MCF2: variants seen among roughly 807,000 people sequenced by gnomAD.
MCF2 encodes MCF.2 cell line derived transforming sequence.
MCF2 carries 44 observed loss-of-function variants against 82.5 expected under a neutral mutation model. The ratio of observed to expected loss-of-function variants is 0.53; its 90% CI spans 0.42 to 0.69. The LOEUF (loss-of-function observed/expected upper bound fraction) is 0.69. Among genes scored for constraint, MCF2 ranks in the 30% least tolerant of loss-of-function variants. MCF2 has a pLI of 0.00. For synonymous variants in MCF2, 217 were observed against 224.9 expected, an observed-to-expected ratio of 0.96 and a Z score of 0.32; for missense variants, 623 against 663.1, an observed-to-expected ratio of 0.94 and a Z score of 0.66.
chrX:139,594,239 T>G (rs1234730273), intron 19 of MCF2, among the ~76,000 whole-genome samples: 1 of 109,882 alleles, frequency 9.1e-6, no homozygotes, highest in Non-Finnish European at 1.9e-5. Context: ...AAAGTTCATA[T>G]GGAACCAAAA....
intron 19 of MCF2, among the ~76,000 whole-genome samples, chrX:139,592,474 T>C (rs1279431516): frequency 9.0e-6 from 1 of 111,645 alleles, no homozygotes; most frequent in African/African-American, 3.3e-5. Context: ...GAAATAGAAA[T>C]ACTATATTAG....
upstream of MCF2, among the ~76,000 whole-genome samples, chrX:139,647,877 A>G (rs909181945): frequency 8.9e-6 from 1 of 112,304 alleles, no homozygotes; most frequent in African/African-American, 3.2e-5. Context: ...GCACCTACAC[A>G]GAGAGCGAAT....
chrX:139,611,641 C>G (rs957840773), intron 10 of MCF2, among the ~76,000 whole-genome samples: 1 of 111,973 alleles, frequency 8.9e-6, no homozygotes, highest in Non-Finnish European at 1.9e-5. Context: ...ATATGCTAAG[C>G]TCTGTGTTTA....
intron 1 of MCF2, among the ~76,000 whole-genome samples, chrX:139,637,593 G>A (rs984828082): frequency 9.9e-5 from 11 of 111,363 alleles, no homozygotes; most frequent in Non-Finnish European, 1.9e-4. Context: ...GGACAGGGGT[G>A]GAAATGTCAT....
exon 15 of MCF2, chrX:139,604,723 A>G (rs1930844043): frequency 8.3e-7 from 1 of 1,199,276 alleles, no homozygotes; most frequent in African/African-American, 1.7e-5. Context: ...GAGCATGAGC[A>G]CAATTTTCCA....
intron 1 of MCF2, among the ~76,000 whole-genome samples, chrX:139,652,905 C>T (rs1934076992): frequency 9.0e-6 from 1 of 110,571 alleles, no homozygotes; most frequent in Admixed American, 9.6e-5. Flanking sequence ...AATGGTTCCA[C>T]AATAGACAGT....
intron 1 of MCF2, among the ~76,000 whole-genome samples, chrX:139,634,635 A>C (rs759856294): frequency 1.1e-4 from 12 of 111,700 alleles, no homozygotes; most frequent in African/African-American, 3.9e-4. Context: ...ATAAATTGGG[A>C]TGGCTGTCCA....
At chrX:139,646,889 C>T (rs752037528), upstream of MCF2, 6 of 1,152,061 alleles carry the variant, frequency 5.2e-6, no homozygotes, top group Non-Finnish European at 7.0e-6. Flanking sequence ...CAAGCATTGT[C>T]CTTTCCCCGG....
chrX:139,646,735 C>A (rs1339973134), upstream of MCF2: 1 of 593,645 alleles, frequency 1.7e-6, no homozygotes, highest in South Asian at 3.6e-5. Flanking sequence ...TTATGACATT[C>A]AGATGGATAT....
At chrX:139,679,496 C>T (rs766781799) in intron 1 of MCF2, among the ~76,000 whole-genome samples, 7 of 111,208 alleles carry the variant, frequency 6.3e-5, no homozygotes, top group Non-Finnish European at 1.3e-4. Flanking sequence ...CTTTGTTAGG[C>T]TCCTATCTTA....
intron 2 of MCF2, 83 bp downstream of exon 2, chrX:139,651,637 G>T: frequency 3.8e-6 from 2 of 528,425 alleles, no homozygotes; most frequent in Non-Finnish European, 6.3e-6. Context: ...TATAGAGAGC[G>T]AGCTATTTAT....
intron 1 of MCF2, among the ~76,000 whole-genome samples, chrX:139,689,174 G>C (rs1160969252): frequency 2.7e-5 from 3 of 112,116 alleles, no homozygotes; most frequent in Non-Finnish European, 5.6e-5. Flanking sequence ...TATCCACTGA[G>C]AGCCAGCTTA....
intron 22 of MCF2, among the ~76,000 whole-genome samples, chrX:139,586,815 A>G (rs1043063648): frequency 2.8e-4 from 31 of 111,674 alleles, no homozygotes; most frequent in African/African-American, 9.8e-4. Context: ...ATATAAATGA[A>G]GATGAAACCT....
At chrX:139,599,052 T>C (rs1930328042) in intron 16 of MCF2, among the ~76,000 whole-genome samples, 1 of 109,733 alleles carries the variant, frequency 9.1e-6, no homozygotes. Context: ...GGCCCATAGT[T>C]AGGGCAAGAT....
chrX:139,645,037 G>A (rs1199588306), upstream of MCF2, among the ~76,000 whole-genome samples: 1 of 110,292 alleles, frequency 9.1e-6, no homozygotes, highest in East Asian at 2.8e-4. Context: ...TCTCTCTCTG[G>A]GTCTTGGGAA....
intron 1 of MCF2, among the ~76,000 whole-genome samples, chrX:139,705,590 A>C (rs1484048121): frequency 8.9e-6 from 1 of 112,607 alleles, no homozygotes; most frequent in Non-Finnish European, 1.9e-5. Context: ...TTTTAATGTA[A>C]GATCTCAAAC....
intron 9 of MCF2, 117 bp downstream of exon 12, chrX:139,616,165 A>G: frequency 2.8e-6 from 1 of 360,780 alleles, no homozygotes; most frequent in Non-Finnish European, 4.8e-6. Flanking sequence ...CCCTAAGAGG[A>G]CAATGTAAGT....
intron 1 of MCF2, among the ~76,000 whole-genome samples, chrX:139,637,934 A>G (rs1314237609): frequency 9.0e-6 from 1 of 111,512 alleles, no homozygotes; most frequent in East Asian, 2.8e-4. Flanking sequence ...AAAGTGATGC[A>G]GGGGTATAAA....
chrX:139,584,539 C>T (rs1416478974), intron 24 of MCF2, among the ~76,000 whole-genome samples: 1 of 111,636 alleles, frequency 9.0e-6, no homozygotes, highest in Non-Finnish European at 1.9e-5. Context: ...AACACTTTAA[C>T]CTTAAAGCAA....
Sources: gnomAD v4.1 joint callset for allele counts (sites outside exome capture counted in the v4.1 genomes callset) on GRCh38, gnomAD v4.1.1 for gene constraint, MANE v1.5 for transcripts, NCBI Gene and HGNC (gene_info 2026-07-23, HGNC 2026-07-21) for gene names.